EYA2: variants seen among roughly 807,000 people sequenced by gnomAD.
The protein encoded by EYA2 is protein phosphatase EYA2.
Under a neutral mutation model 69.2 loss-of-function variants are expected in EYA2, and 31 were observed. That is an observed-to-expected ratio of 0.45 (90% confidence interval 0.34 to 0.60). The LOEUF is 0.60. EYA2 is among the 20% of genes least tolerant of loss of function. The pLI is 0.02. For synonymous variants in EYA2, 257 were observed against 279.4 expected (o/e 0.92, Z 0.80); for missense variants, 622 against 701.2 (o/e 0.89, Z 1.28).
At chr20:47,011,992 G>A (rs6066159) in intron 4 of EYA2, among the ~76,000 whole-genome samples, 72,227 of 151,980 alleles carry the variant, frequency 0.48, 18,647 homozygotes, top group Non-Finnish European at 0.6. Flanking sequence ...CTTCTCCTCT[G>A]CTGTGTGTTT....
Position 47,156,089 on chromosome 20 carries a change from TACACAC to T in EYA2, c.978+12975_978+12980del, listed in dbSNP as rs748282079. ...ACACACACACACACATATATATACA[TACACAC>T]ACACACACACACACACACACACACA... On this transcript the variant is annotated intron_variant, in intron 10 of 15. Coordinates refer to ENST00000327619, the MANE Select transcript of EYA2 (RefSeq NM_005244.5). Among the ~76,000 whole-genome samples the T allele has an allele frequency of 3.1e-3, 95 of 30,918 alleles. 2 individuals are homozygous for T. The highest frequency in any genetic ancestry group is 7.6e-3 in the South Asian group (5 of 656). 20.3% of individuals were successfully genotyped at this position (30,918 alleles called of 152,430 possible).
chr20:47,163,218 A>G (rs2146637312), intron 10 of EYA2, among the ~76,000 whole-genome samples: 1 of 152,008 alleles, frequency 6.6e-6, no homozygotes, highest in African/African-American at 2.4e-5. Context: ...TTTAATAGAG[A>G]CAGGGTTTCA....
rs56834738 is a variant in EYA2, at chr20:46,908,870, CTTTTTTTTTTTTTTTTTTTTT to C, written c.-11+13900_-11+13920del. ...AAAGGCACTAAGCCTCTCTCCCGCA[CTTTTTTTTTTTTTTTTTTTTT>C]TTTTTTTTTTTTTTTTACCAATTCC... is the stretch of plus-strand genomic sequence containing the variant. On this transcript the variant is annotated intron_variant, in intron 1 of 15. Transcript: ENST00000327619. 5.7e-4 allele frequency among the ~76,000 whole-genome samples: 27 copies of C among 47,584 alleles called. 2 individuals carry two copies. In the South Asian group the frequency reaches 0.023, roughly 41 times the overall value. 31.2% of individuals were successfully genotyped at this position (47,584 alleles called of 152,430 possible). A position where few individuals can be genotyped will look rare whatever the true frequency, so the allele number is the denominator to read the frequency against.
At position 46,964,369 on chromosome 20, in the gene EYA2, G is replaced by T. The variant is rs546316475; in HGVS notation, c.-10-25632G>T. On this transcript the variant is annotated intron_variant, in intron 1 of 15. Transcript: ENST00000327619. The stretch of plus-strand genomic sequence containing the variant: ...AGGTGGGCAGTGGAGGCTGGGAGGC[G>T]TCTTGGCAGGCTGTTGGAGGCAGTC... Among the ~76,000 whole-genome samples, 6 of 152,262 alleles carry T rather than the reference G, an allele frequency of 3.9e-5. No individual in the cohort carries two copies. In the East Asian group the frequency reaches 7.7e-4, roughly 20 times the overall value.
chr20:46,968,596 C>G (rs1979934636), intron 1 of EYA2, among the ~76,000 whole-genome samples: 1 of 152,176 alleles, frequency 6.6e-6, no homozygotes, highest in African/African-American at 2.4e-5. Flanking sequence ...ACAGGTTTCT[C>G]ATGCTCAGCA....
At chr20:46,915,168 G>A (rs76592342) in intron 1 of EYA2, among the ~76,000 whole-genome samples, 1,628 of 152,304 alleles carry the variant, frequency 0.011, 36 homozygotes, top group African/African-American at 0.038. Context: ...AGAACAGTGT[G>A]TACTCGCAAC....
At chr20:47,088,873 C>T (rs550559175) in intron 7 of EYA2, among the ~76,000 whole-genome samples, 53 of 152,314 alleles carry the variant, frequency 3.5e-4, no homozygotes, top group African/African-American at 1.2e-3. Flanking sequence ...CCACGCCGGG[C>T]CCCCTGACTT....
chr20:46,943,901 T>C (rs1986256730), intron 1 of EYA2, among the ~76,000 whole-genome samples: 3 of 152,198 alleles, frequency 2.0e-5, no homozygotes, highest in Admixed American at 2.0e-4. Flanking sequence ...CTGCGCTCTC[T>C]TTTTCTTTTA....
At chr20:47,125,091 T>TTGCC (rs2033150052) in intron 9 of EYA2, among the ~76,000 whole-genome samples, 1 of 150,028 alleles carries the variant, frequency 6.7e-6, no homozygotes, top group Non-Finnish European at 1.5e-5. Context: ...TCTTGCTCTG[T>TTGCC]TGCCCAGGCT....
intron 10 of EYA2, among the ~76,000 whole-genome samples, chr20:47,165,214 A>G (rs920572116): frequency 4.4e-4 from 67 of 152,228 alleles, no homozygotes; most frequent in African/African-American, 1.5e-3. Flanking sequence ...GGAGGGTATC[A>G]TCGTGCTTGA....
At chr20:47,059,176 G>C (rs550426936) in intron 5 of EYA2, among the ~76,000 whole-genome samples, 27 of 152,242 alleles carry the variant, frequency 1.8e-4, no homozygotes, top group Middle Eastern at 3.4e-3. Context: ...ATGGTGAGCG[G>C]GGAGGGACCG....
chr20:47,035,224 G>A (rs1044085595), intron 5 of EYA2, among the ~76,000 whole-genome samples: 4 of 152,140 alleles, frequency 2.6e-5, no homozygotes, highest in African/African-American at 7.2e-5. Context: ...GAAAGAGGTC[G>A]GTCAAGGATC....
intron 1 of EYA2, among the ~76,000 whole-genome samples, chr20:46,915,187 C>G (rs1984843140): frequency 6.6e-6 from 1 of 152,208 alleles, no homozygotes; most frequent in South Asian, 2.1e-4. Context: ...ACAAGCAAAT[C>G]CCCAGATGTG....
At chr20:46,896,404 CAA>C (rs71892947) in intron 1 of EYA2, among the ~76,000 whole-genome samples, 2 of 141,482 alleles carry the variant, frequency 1.4e-5, no homozygotes. Flanking sequence ...ATCCTGCTTA[CAA>C]AAAAAAAAAG....
At chr20:47,046,347 C>T (rs1333048371) in intron 5 of EYA2, among the ~76,000 whole-genome samples, 1 of 152,226 alleles carries the variant, frequency 6.6e-6, no homozygotes, top group East Asian at 1.9e-4. Context: ...AACTTGTGAG[C>T]TTGATCACTG....
intron 4 of EYA2, among the ~76,000 whole-genome samples, chr20:47,015,394 G>A (rs572914253): frequency 3.0e-4 from 45 of 152,320 alleles, no homozygotes; most frequent in Non-Finnish European, 5.6e-4. Context: ...GCAGAAGGCA[G>A]ATTTGTAACT....
chr20:46,929,890 C>A (rs1225708631), intron 1 of EYA2, among the ~76,000 whole-genome samples: 1 of 152,042 alleles, frequency 6.6e-6, no homozygotes. Flanking sequence ...GAGACTACAC[C>A]CTTCCTAAAC....
Position 47,099,741 on chromosome 20 carries a change from A to C in EYA2, c.888+2573A>C, listed in dbSNP as rs2032370098. Among the ~76,000 whole-genome samples the C allele has an allele frequency of 4.6e-5, 7 of 152,274 alleles. No homozygotes were observed. In the South Asian group the frequency reaches 1.5e-3, roughly 32 times the overall value. ...CTCATTTAAAACGTAGCTTCCTCCA[A>C]AAGGACTTTCCTCAGTACTCCTCTC... On this transcript the variant is annotated intron_variant, in intron 9 of 15. Transcript: ENST00000327619.
At chr20:46,915,137 G>A (rs571169455) in intron 1 of EYA2, among the ~76,000 whole-genome samples, 15 of 152,192 alleles carry the variant, frequency 9.9e-5, no homozygotes, top group East Asian at 1.9e-4. Flanking sequence ...CTCTAGCTTC[G>A]AGCTGTTGCC....
Sources: allele counts gnomAD v4.1 joint callset (sites outside exome capture counted in the v4.1 genomes callset), GRCh38; gene constraint gnomAD v4.1.1; transcripts MANE v1.5; gene names NCBI Gene and HGNC (gene_info 2026-07-23, HGNC 2026-07-21).